Variants in UBE2G1 observed in about 807,000 individuals in gnomAD.
UBE2G1 encodes the protein ubiquitin-conjugating enzyme E2 G1.
In UBE2G1, 5 loss-of-function variants were observed where a neutral mutation model predicts 22.7. The observed-to-expected ratio is 0.22, with a 90% CI of 0.12 to 0.46. The LOEUF (loss-of-function observed/expected upper bound fraction) is 0.46. Among genes scored for constraint, UBE2G1 ranks in the 20% least tolerant of loss-of-function variants. UBE2G1 has a pLI of 0.99. For missense variants in UBE2G1, 88 were observed against 203.9 expected (o/e 0.43, Z 3.46); for synonymous variants, 74 against 67.5 (o/e 1.10, Z -0.47).
chr17:4,351,714 C>T (rs935224272), intron 1 of UBE2G1, among the ~76,000 whole-genome samples: 7 of 152,160 alleles, frequency 4.6e-5, no homozygotes, highest in East Asian at 1.9e-4. Context: ...ATAAACCTTA[C>T]GCACTGCTAA....
rs143746035 is a variant in UBE2G1, at chr17:4,326,517, C to A, written c.47-19394G>T. On this transcript the variant is annotated intron_variant, in intron 1 of 5. Coordinates refer to ENST00000396981, the MANE Select transcript of UBE2G1 (RefSeq NM_003342.5). Reference sequence around the variant, plus strand: ...AAGAGGATGCAACCATTGTGAAAGGCGGCATGGCATGTCCTCAAAATATTA... The same window carrying A: ...AAGAGGATGCAACCATTGTGAAAGGAGGCATGGCATGTCCTCAAAATATTA... Among the ~76,000 whole-genome samples the A allele has an allele frequency of 2.9e-3, 442 of 152,244 alleles. 1 individual carries two copies. Among genetic ancestry groups the A allele is most frequent in the African/African-American group, 1.0e-2 (415 of 41,532 alleles).
At chr17:4,273,943 A>G (rs1482913216) in intron 5 of UBE2G1, among the ~76,000 whole-genome samples, 4 of 152,108 alleles carry the variant, frequency 2.6e-5, no homozygotes, top group Non-Finnish European at 5.9e-5. Flanking sequence ...CTCACACCAG[A>G]CATGTTCAAA....
At chr17:4,353,100 C>A (rs1969863987) in intron 1 of UBE2G1, among the ~76,000 whole-genome samples, 1 of 151,994 alleles carries the variant, frequency 6.6e-6, no homozygotes, top group African/African-American at 2.4e-5. Flanking sequence ...CGCCTGTAGT[C>A]CCACGTACCC....
rs982323181 is a variant in UBE2G1, at chr17:4,271,689, A to C, written c.*865T>G. ...GCTTCATTTATCCAACCTTAATACC[A>C]GGCAACTGAAGAGGGAAAAGTCAGA... On this transcript the variant is annotated 3_prime_UTR_variant, in exon 6 of 6. Transcript: ENST00000396981. The C allele has an allele frequency of 6.7e-6, 1 of 149,202 alleles. No individual in the cohort carries two copies. Among genetic ancestry groups the C allele is most frequent in the Non-Finnish European group, 1.5e-5 (1 of 67,568 alleles). The allele number at this position is 149,202 out of a possible 1,614,324, so 9.2% of individuals were successfully genotyped here.
At chr17:4,312,154 C>T (rs1470278315) in intron 1 of UBE2G1, among the ~76,000 whole-genome samples, 8 of 150,720 alleles carry the variant, frequency 5.3e-5, no homozygotes, top group African/African-American at 1.7e-4. Flanking sequence ...GCAGGAGAAT[C>T]GCTTGAACCC....
At chr17:4,302,800 A>G (rs2143723584) in intron 2 of UBE2G1, 1 of 182,772 alleles carries the variant, frequency 5.5e-6, no homozygotes. Context: ...AAAAAAAATA[A>G]TGGAATGGCA....
intron 1 of UBE2G1, among the ~76,000 whole-genome samples, chr17:4,354,845 G>C (rs1219615116): frequency 6.6e-6 from 1 of 152,088 alleles, no homozygotes; most frequent in Non-Finnish European, 1.5e-5. Context: ...GATAAGGTGG[G>C]AGGTTCACTT....
intron 1 of UBE2G1, among the ~76,000 whole-genome samples, chr17:4,359,776 C>G (rs181114541): frequency 2.1e-4 from 32 of 149,938 alleles, no homozygotes; most frequent in African/African-American, 7.8e-4. Flanking sequence ...CACTTGAACC[C>G]GGGAGGCAGA....
chr17:4,303,202 A>C (rs1969206745), intron 2 of UBE2G1, among the ~76,000 whole-genome samples: 1 of 152,120 alleles, frequency 6.6e-6, no homozygotes, highest in Non-Finnish European at 1.5e-5. Context: ...GGTTATGTGG[A>C]CTGCTGAGCA....
chr17:4,308,675 C>T (rs1433109029), intron 1 of UBE2G1, among the ~76,000 whole-genome samples: 1 of 152,180 alleles, frequency 6.6e-6, no homozygotes, highest in African/African-American at 2.4e-5. Context: ...TACTCATTGG[C>T]TCAAATTGGA....
chr17:4,335,718 CTGTAT>C, intron 1 of UBE2G1, among the ~76,000 whole-genome samples: 1 of 152,250 alleles, frequency 6.6e-6, no homozygotes, highest in Middle Eastern at 3.4e-3. Flanking sequence ...CAGCATTTAA[CTGTAT>C]TAATGGTATA....
intron 1 of UBE2G1, among the ~76,000 whole-genome samples, chr17:4,330,512 C>T (rs965403684): frequency 6.7e-6 from 1 of 148,398 alleles, no homozygotes; most frequent in Non-Finnish European, 1.5e-5. Context: ...CCAAGGTGGG[C>T]GGATCACCTG....
intron 3 of UBE2G1, among the ~76,000 whole-genome samples, chr17:4,294,434 AAAAAAAG>A (rs1268831264): frequency 5.5e-5 from 6 of 108,980 alleles, no homozygotes; most frequent in East Asian, 3.1e-4. Flanking sequence ...AAAAAAAAAA[AAAAAAAG>A]AAAGAAACGA....
At chr17:4,363,578 G>C (rs1447099389) in intron 1 of UBE2G1, among the ~76,000 whole-genome samples, 1 of 152,168 alleles carries the variant, frequency 6.6e-6, no homozygotes, top group African/African-American at 2.4e-5. Flanking sequence ...TGCTGCTGCT[G>C]ACATTGTTAT....
At chr17:4,358,692 C>T (rs1969934429) in intron 1 of UBE2G1, among the ~76,000 whole-genome samples, 1 of 152,220 alleles carries the variant, frequency 6.6e-6, no homozygotes, top group South Asian at 2.1e-4. Context: ...TGGCTCACGC[C>T]TGTAATCCCA....
At chr17:4,359,707 C>A (rs1597268790) in intron 1 of UBE2G1, among the ~76,000 whole-genome samples, 1 of 152,092 alleles carries the variant, frequency 6.6e-6, no homozygotes, top group East Asian at 1.9e-4. Context: ...CAAAAATGAT[C>A]CAGGGGTGGT....
At chr17:4,323,366 C>T (rs1218580551) in intron 1 of UBE2G1, among the ~76,000 whole-genome samples, 3 of 152,174 alleles carry the variant, frequency 2.0e-5, no homozygotes, top group South Asian at 2.1e-4. Context: ...TTACTGATGC[C>T]GTTTCTGATG....
At chr17:4,298,682 G>C (rs560933988) in intron 2 of UBE2G1, among the ~76,000 whole-genome samples, 1 of 152,234 alleles carries the variant, frequency 6.6e-6, no homozygotes, top group African/African-American at 2.4e-5. Flanking sequence ...AAGCTGTAAA[G>C]GGTTAAAGAA....
intron 2 of UBE2G1, among the ~76,000 whole-genome samples, chr17:4,297,385 A>G (rs908903242): frequency 6.6e-6 from 1 of 152,218 alleles, no homozygotes; most frequent in East Asian, 1.9e-4. Context: ...GTGACTTTCC[A>G]GAACAGCACT....
Sources: allele counts gnomAD v4.1 joint callset (sites outside exome capture counted in the v4.1 genomes callset), GRCh38; gene constraint gnomAD v4.1.1; transcripts MANE v1.5; gene names NCBI Gene and HGNC (gene_info 2026-07-23, HGNC 2026-07-21).